The following CCN5 variants were observed in gnomAD, a reference collection of about 807,000 sequenced individuals.
The protein encoded by CCN5 is CCN family member 5.
In CCN5, 17 loss-of-function variants were observed where a neutral mutation model predicts 18.7. The observed-to-expected ratio is 0.91, with a 90% CI of 0.62 to 1.36. The LOEUF (loss-of-function observed/expected upper bound fraction) is 1.36. CCN5 is among the 40% of genes most tolerant of loss of function. The pLI, the probability that CCN5 is intolerant of heterozygous loss-of-function variation, is 0.00. For missense variants in CCN5, 367 were observed against 342.9 expected (o/e 1.07, Z -0.56); for synonymous variants, 135 against 145.2 (o/e 0.93, Z 0.50).
Position 44,725,132 on chromosome 20 carries a change from G to A in CCN5, c.532+140G>A, listed in dbSNP as rs1392162620. 5 of 1,231,976 alleles carry A rather than the reference G, an allele frequency of 4.1e-6. No homozygotes were observed. The African/African-American group carries it at 4.6e-5, about 11-fold the overall frequency. The allele number at this position is 1,231,976 out of a possible 1,614,324, so 76.3% of individuals were successfully genotyped here. A position where few individuals can be genotyped will look rare whatever the true frequency, so the allele number is the denominator to read the frequency against. On this transcript the variant is annotated intron_variant, in intron 3 of 3. Transcript: ENST00000190983. ...AGCTGGGAGGGGCGGAGGCTGAGGA[G>A]GGAGATAAGAAAGAGGAGTGGAGGG... is the stretch of plus-strand genomic sequence containing the variant.
At position 44,722,361 on chromosome 20, in the gene CCN5, G is replaced by A. The variant is rs547170865; in HGVS notation, c.277+2248G>A. ...TCCAATGCCGGGATCCTGATCTTCCGCCCCCCAGAACGGCCTCCCCAGTCT... is the reference window on the plus strand; with the variant it reads ...TCCAATGCCGGGATCCTGATCTTCCACCCCCCAGAACGGCCTCCCCAGTCT... On this transcript the variant is annotated intron_variant, in intron 2 of 3. Coordinates refer to ENST00000190983, the MANE Select transcript of CCN5 (RefSeq NM_003881.4). Among the ~76,000 whole-genome samples, 5 of 151,886 alleles carry A rather than the reference G, an allele frequency of 3.3e-5. No homozygotes were observed. The South Asian group carries it at 6.2e-4, about 19-fold the overall frequency.
chr20:44,720,074 C>T lies in CCN5; in HGVS notation c.238C>T (p.Pro80Ser), dbSNP rs759915413. ...CDASQGLVCQPGAGPGGRGAL... is the reference protein window; with the variant it reads ...CDASQGLVCQSGAGPGGRGAL... ...CGCCAGCCAGGGCCTGGTCTGCCAG[C>T]CCGGGGCAGGACCCGGTGGCCGGGG... Residue 80 changes from proline to serine, a missense_variant, in exon 2 of 4, where the codon CCC (proline) becomes TCC (serine). Pro to Ser is a moderately conservative substitution (Grantham distance 74). Transcript: ENST00000190983. The T allele has an allele frequency of 6.3e-7, 1 of 1,577,538 alleles. No individual in the cohort carries two copies. Among genetic ancestry groups the T allele is most frequent in the Non-Finnish European group, 8.6e-7 (1 of 1,167,732 alleles).
At chr20:44,725,198 G>A (rs1379042510) in intron 3 of CCN5, among the ~76,000 whole-genome samples, 1 of 151,608 alleles carries the variant, frequency 6.6e-6, no homozygotes, top group Non-Finnish European at 1.5e-5. Flanking sequence ...AGTACGTTGG[G>A]AGGCCAAGAC....
intron 2 of CCN5, among the ~76,000 whole-genome samples, chr20:44,721,885 C>T (rs555795798): frequency 2.0e-5 from 3 of 152,344 alleles, no homozygotes; most frequent in Non-Finnish European, 2.9e-5. Context: ...TCACACAGCT[C>T]ATAAGCGGCA....
chr20:44,721,069 T>C (rs1301747905), intron 2 of CCN5: 1 of 152,204 alleles, frequency 6.6e-6, no homozygotes, highest in Non-Finnish European at 1.5e-5. Context: ...TCTTCTTTTT[T>C]CTTTTTTAAT....
Position 44,724,899 on chromosome 20 carries a change from C to G in CCN5, c.439C>G (p.His147Asp), listed in dbSNP as rs375534926. The G allele has an allele frequency of 1.4e-5, 23 of 1,593,792 alleles. No homozygotes were observed. The highest frequency in any genetic ancestry group is 2.0e-5 in the Non-Finnish European group (23 of 1,171,584). ...DVRLPSWDCP[H>D]PRRVEVLGKC... ...GCGGCTGCCCAGCTGGGACTGCCCC[C>G]ACCCCAGGAGGGTCGAGGTCCTGGG... The change falls in exon 3 of 4, where the codon CAC becomes GAC. Residue 147 changes from histidine (H) to aspartate (D), a missense_variant. Physicochemically the swap from His to Asp is moderately conservative, Grantham distance 81. Transcript: ENST00000190983.
chr20:44,715,254 T>TGG (rs1568876520), upstream of CCN5: 2 of 581,272 alleles, frequency 3.4e-6, no homozygotes, highest in Non-Finnish European at 3.1e-6. Context: ...TGTGTGTGTG[T>TGG]GTGTGTGAGC....
chr20:44,724,830 G>C lies in CCN5; in HGVS notation c.370G>C (p.Glu124Gln). The change falls in exon 3 of 4, where the codon GAG (glutamate) becomes CAG (glutamine). Residue 124 changes from glutamate to glutamine, a missense_variant. Physicochemically the swap from Glu to Gln is conservative, Grantham distance 29. Transcript: ENST00000190983. ...CCACTGCAGCATCCGCTGCCGCTGC[G>C]AGGACGGCGGCTTCACCTGCGTGCC... ...QPHCSIRCRC[E>Q]DGGFTCVPLC... 1 of 1,605,972 alleles carries C rather than the reference G, an allele frequency of 6.2e-7. No homozygotes were observed. Among genetic ancestry groups the C allele is most frequent in the African/African-American group, 1.3e-5 (1 of 74,990 alleles).
At chr20:44,726,603 A>C (rs2065937598) in intron 3 of CCN5, among the ~76,000 whole-genome samples, 1 of 152,130 alleles carries the variant, frequency 6.6e-6, no homozygotes, top group Admixed American at 6.6e-5. Flanking sequence ...GAGGACTTCT[A>C]GTGTAAGACT....
At chr20:44,725,102 T>G in intron 3 of CCN5, 110 bp downstream of exon 3, 1 of 1,369,516 alleles carries the variant, frequency 7.3e-7, no homozygotes, top group Non-Finnish European at 9.5e-7. Flanking sequence ...CAGGGACACA[T>G]CAGAAGCTGG....
intron 1 of CCN5, among the ~76,000 whole-genome samples, chr20:44,719,457 C>G (rs2065882155): frequency 6.6e-6 from 1 of 152,140 alleles, no homozygotes; most frequent in South Asian, 2.1e-4. Context: ...GATTTCAAGA[C>G]CAGCCTGGGT....
chr20:44,718,575 G>A (rs572341287), intron 1 of CCN5, among the ~76,000 whole-genome samples: 1 of 152,288 alleles, frequency 6.6e-6, no homozygotes, highest in Non-Finnish European at 1.5e-5. Context: ...TTTCTCTGAT[G>A]TGGGTGGCGA....
At position 44,727,639 on chromosome 20, in the gene CCN5, C is replaced by T. The variant is rs1392217809; in HGVS notation, c.*332C>T. On this transcript the variant is annotated 3_prime_UTR_variant, in exon 4 of 4. Transcript: ENST00000190983. Reference sequence around the variant, plus strand: ...GGGCGAGCTTTCTCTCCGACTTCCCCTGGGCAAGAGATGGGACAAGCAGTC... The same window carrying T: ...GGGCGAGCTTTCTCTCCGACTTCCCTTGGGCAAGAGATGGGACAAGCAGTC... 8 of 814,580 alleles carry T rather than the reference C, an allele frequency of 9.8e-6. No homozygotes were observed. The African/African-American group carries it at 1.4e-4, about 15-fold the overall frequency. The allele number at this position is 814,580 out of a possible 1,614,324, so 50.5% of individuals were successfully genotyped here.
chr20:44,718,128 G>A (rs1008995273), intron 1 of CCN5, among the ~76,000 whole-genome samples: 16 of 152,122 alleles, frequency 1.1e-4, no homozygotes, highest in Non-Finnish European at 1.8e-4. Flanking sequence ...ACCTAGCTCC[G>A]TGTGTCCATC....
In CCN5 at chr20:44,724,769, C is replaced by T; in HGVS notation, c.309C>T (p.Asn103=). Residue 103 remains asparagine (N), a synonymous_variant, in exon 3 of 4, where the codon AAC becomes AAT. Coordinates refer to ENST00000190983, the MANE Select transcript of CCN5 (RefSeq NM_003881.4). ...LAEDDSSCEV[N]GRLYREGETF... ...AGGACGACAGCAGCTGTGAGGTGAA[C>T]GGCCGCCTGTATCGGGAAGGGGAGA... The T allele has an allele frequency of 1.2e-6, 2 of 1,612,412 alleles. No homozygotes were observed. The highest frequency in any genetic ancestry group is 1.7e-6 in the Non-Finnish European group (2 of 1,179,798).
chr20:44,725,914 G>A (rs6103845), intron 3 of CCN5, among the ~76,000 whole-genome samples: 1 of 152,082 alleles, frequency 6.6e-6, no homozygotes, highest in Non-Finnish European at 1.5e-5. Context: ...TTCTAAAAAA[G>A]GCAACTGAAA....
At chr20:44,718,872 A>C (rs1369454537) in intron 1 of CCN5, among the ~76,000 whole-genome samples, 1 of 152,158 alleles carries the variant, frequency 6.6e-6, no homozygotes, top group South Asian at 2.1e-4. Context: ...GCTTATTAAA[A>C]ATAAAGATTC....
In CCN5 at chr20:44,719,933, C is replaced by T. The variant is rs868568697; in HGVS notation, c.97C>T (p.Pro33Ser). ...GCTGTGCCCGACACCATGTACCTGCCCCTGGCCACCTCCCCGATGCCCGCT... is the reference window on the plus strand; with the variant it reads ...GCTGTGCCCGACACCATGTACCTGCTCCTGGCCACCTCCCCGATGCCCGCT... ...TQLCPTPCTC[P>S]WPPPRCPLGV... The change falls in exon 2 of 4, where the codon CCC becomes TCC. Residue 33 changes from proline (P) to serine (S), a missense_variant. Physicochemically the swap from Pro to Ser is moderately conservative, Grantham distance 74 (BLOSUM62 -1). Coordinates refer to ENST00000190983, the MANE Select transcript of CCN5 (RefSeq NM_003881.4). 6.2e-7 allele frequency: 1 copy of T among 1,613,950 alleles called. No individual in the cohort carries two copies. The highest frequency in any genetic ancestry group is 8.5e-7 in the Non-Finnish European group (1 of 1,179,974).
chr20:44,725,698 AT>A (rs1192064994), intron 3 of CCN5, among the ~76,000 whole-genome samples: 2 of 149,776 alleles, frequency 1.3e-5, no homozygotes, highest in African/African-American at 4.9e-5. Flanking sequence ...ATATTAATAT[AT>A]TTAGTAATTT....
Sources: allele counts gnomAD v4.1 joint callset (sites outside exome capture counted in the v4.1 genomes callset), GRCh38; gene constraint gnomAD v4.1.1; transcripts MANE v1.5; gene names NCBI Gene and HGNC (gene_info 2026-07-23, HGNC 2026-07-21).